The following BCL7A variants were observed in gnomAD, a reference collection of about 807,000 sequenced individuals.
BCL7A encodes the protein BAF chromatin remodeling complex subunit BCL7A.
Under a neutral mutation model 28.4 loss-of-function variants are expected in BCL7A, and 11 were observed. That is an observed-to-expected ratio of 0.39 (90% confidence interval 0.24 to 0.64). The LOEUF (loss-of-function observed/expected upper bound fraction) is 0.64. BCL7A is among the 30% of genes least tolerant of loss of function. The pLI is 0.50. For missense variants in BCL7A, 222 were observed against 274.8 expected, an observed-to-expected ratio of 0.81 and a Z score of 1.36; for synonymous variants, 123 against 103.3, an observed-to-expected ratio of 1.19 and a Z score of -1.15.
intron 2 of BCL7A, among the ~76,000 whole-genome samples, chr12:122,031,705 C>T (rs760529661): frequency 1.3e-5 from 2 of 152,090 alleles, no homozygotes; most frequent in Non-Finnish European, 2.9e-5. Context: ...ACAGGGGTCC[C>T]CGGTGCTAGG....
At chr12:122,040,732 C>T (rs910010449) in intron 3 of BCL7A, among the ~76,000 whole-genome samples, 3 of 151,690 alleles carry the variant, frequency 2.0e-5, no homozygotes, top group South Asian at 2.1e-4. Flanking sequence ...AGGTGTGGGC[C>T]GGGCAAGTTT....
intron 4 of BCL7A, among the ~76,000 whole-genome samples, chr12:122,048,924 G>A (rs1183597295): frequency 2.6e-5 from 4 of 151,252 alleles, no homozygotes; most frequent in Non-Finnish European, 5.9e-5. Context: ...GGGAAGCTGA[G>A]GCAGGAGAAT....
chr12:122,045,338 G>A (rs187787789), intron 4 of BCL7A, among the ~76,000 whole-genome samples: 35 of 152,244 alleles, frequency 2.3e-4, no homozygotes, highest in Admixed American at 1.4e-3. Context: ...CCGAAATTGT[G>A]CCATTGCACT....
chr12:122,032,033 C>T (rs1010252279), intron 2 of BCL7A, among the ~76,000 whole-genome samples: 1 of 152,194 alleles, frequency 6.6e-6, no homozygotes, highest in South Asian at 2.1e-4. Flanking sequence ...CACATGGCTG[C>T]GGCCACTCCT....
intron 3 of BCL7A, among the ~76,000 whole-genome samples, chr12:122,040,311 G>A (rs920540893): frequency 5.9e-5 from 9 of 152,016 alleles, no homozygotes; most frequent in African/African-American, 9.7e-5. Context: ...TGTGAGGATC[G>A]TTTAAGGTCA....
intron 4 of BCL7A, 25 bp downstream of exon 4, chr12:122,044,078 T>C (rs1424145639): frequency 6.3e-7 from 1 of 1,597,522 alleles, no homozygotes; most frequent in South Asian, 1.1e-5. Flanking sequence ...GAGGTGGGGC[T>C]CTGACGGCCT....
chr12:122,027,466 G>A (rs1883652236), intron 1 of BCL7A, among the ~76,000 whole-genome samples: 1 of 152,156 alleles, frequency 6.6e-6, no homozygotes, highest in East Asian at 1.9e-4. Flanking sequence ...CTTGAGCCCA[G>A]GAGGTCGAGG....
intron 4 of BCL7A, among the ~76,000 whole-genome samples, chr12:122,048,957 G>A (rs1490940350): frequency 6.7e-6 from 1 of 148,490 alleles, no homozygotes; most frequent in African/African-American, 2.5e-5. Flanking sequence ...GGAGGCGGAG[G>A]TTTTAGTGAG....
chr12:122,039,315 A>AT (rs1390940332), intron 3 of BCL7A, among the ~76,000 whole-genome samples: 6 of 148,676 alleles, frequency 4.0e-5, no homozygotes, highest in Admixed American at 2.7e-4. Flanking sequence ...TAGATTAAAA[A>AT]AAAAAATAAT....
At chr12:122,048,150 G>T (rs1024121190) in intron 4 of BCL7A, among the ~76,000 whole-genome samples, 1 of 151,736 alleles carries the variant, frequency 6.6e-6, no homozygotes, top group Admixed American at 6.6e-5. Context: ...TGATCCGCCC[G>T]CCTCGGCCTC....
chr12:122,041,294 G>A (rs1042715700), intron 3 of BCL7A, among the ~76,000 whole-genome samples: 5 of 152,130 alleles, frequency 3.3e-5, no homozygotes, highest in African/African-American at 7.2e-5. Context: ...AGGATTCCAC[G>A]AGGTGTCCAT....
chr12:122,023,413 T>C, intron 1 of BCL7A, among the ~76,000 whole-genome samples: 1 of 151,856 alleles, frequency 6.6e-6, no homozygotes, highest in African/African-American at 2.4e-5. Flanking sequence ...GTTTCTCGAG[T>C]AGCGCCTCGG....
chr12:122,042,871 G>A, intron 3 of BCL7A, among the ~76,000 whole-genome samples: 1 of 152,048 alleles, frequency 6.6e-6, no homozygotes, highest in Non-Finnish European at 1.5e-5. Context: ...TTAAAACCCA[G>A]ACCATATTCA....
At position 122,049,035 on chromosome 12, in the gene BCL7A, A is replaced by ATATATAT. The variant is rs1491333665; in HGVS notation, c.439+4982_439+4983insTATATAT. On this transcript the variant is annotated intron_variant, in intron 4 of 5. Coordinates refer to ENST00000261822, the MANE Select transcript of BCL7A (RefSeq NM_001024808.3). The stretch of plus-strand genomic sequence containing the variant: ...AAACGTGTAAAAAAAAAAAAAAAAA[A>ATATATAT]ATATATATATATATATATACATATA... 4.6e-4 allele frequency among the ~76,000 whole-genome samples: 27 copies of ATATATAT among 58,368 alleles called. No individual in the cohort carries two copies. In the East Asian group the frequency reaches 6.3e-3, roughly 14 times the overall value. 38.3% of individuals were successfully genotyped at this position (58,368 alleles called of 152,430 possible).
chr12:122,051,866 CTTTTTTTTTT>C (rs34244407), intron 4 of BCL7A, among the ~76,000 whole-genome samples: 1 of 80,302 alleles, frequency 1.2e-5, no homozygotes, highest in Non-Finnish European at 2.2e-5. Context: ...CTCTCTCTCT[CTTTTTTTTTT>C]TTTTTTTTTT....
At chr12:122,054,669 C>A in intron 4 of BCL7A, 136 bp from the exon 5 acceptor site, 1 of 839,604 alleles carries the variant, frequency 1.2e-6, no homozygotes, top group Non-Finnish European at 1.9e-6. Context: ...AGCCCTCCAG[C>A]CCCCCAGCTC....
chr12:122,038,990 C>T (rs1883911598), intron 3 of BCL7A, among the ~76,000 whole-genome samples: 1 of 151,786 alleles, frequency 6.6e-6, no homozygotes, highest in Non-Finnish European at 1.5e-5. Context: ...GCCTGGGCAA[C>T]ACAGGGAGAC....
chr12:122,046,610 G>A (rs1488877217), intron 4 of BCL7A, among the ~76,000 whole-genome samples: 3 of 152,228 alleles, frequency 2.0e-5, no homozygotes, highest in South Asian at 4.1e-4. Context: ...TATCCAGCCC[G>A]TGGTGTGAGA....
chr12:122,032,653 T>C (rs146090370), intron 2 of BCL7A, among the ~76,000 whole-genome samples: 4 of 152,310 alleles, frequency 2.6e-5, no homozygotes, highest in African/African-American at 9.6e-5. Context: ...GTTAGGCAGG[T>C]GACCCCACAT....
Sources: allele counts gnomAD v4.1 joint callset (sites outside exome capture counted in the v4.1 genomes callset), GRCh38; gene constraint gnomAD v4.1.1; transcripts MANE v1.5; gene names NCBI Gene and HGNC (gene_info 2026-07-23, HGNC 2026-07-21).